DOCK11: variants seen among roughly 807,000 people sequenced by gnomAD.
DOCK11 encodes dedicator of cytokinesis protein 11.
In DOCK11, 70 loss-of-function variants were observed where a neutral mutation model predicts 169.1. The observed-to-expected ratio is 0.41, with a 90% CI of 0.34 to 0.51. DOCK11 has a LOEUF of 0.51. Ranked by LOEUF, DOCK11 falls within the 20% of genes least tolerant of loss-of-function variation. DOCK11 has a pLI of 0.10. For synonymous variants in DOCK11, 529 were observed against 541.3 expected (o/e 0.98, Z 0.32); for missense variants, 1,166 against 1,538.8 (o/e 0.76, Z 4.05).
At chrX:118,658,694 C>A (rs1314095339) in intron 44 of DOCK11, among the ~76,000 whole-genome samples, 2 of 112,466 alleles carry the variant, frequency 1.8e-5, no homozygotes, top group Non-Finnish European at 3.8e-5. Flanking sequence ...AGTGATAATA[C>A]TGAGTGTCAG....
intron 46 of DOCK11, 38 bp from the exon 47 acceptor site, chrX:118,675,894 TAAAC>T (rs1470566644): frequency 3.5e-6 from 3 of 849,809 alleles, no homozygotes; most frequent in Non-Finnish European, 1.7e-6. Context: ...ATTTAGTAAT[TAAAC>T]AAAAAACAAA....
chrX:118,637,691 C>T (rs780303509), intron 36 of DOCK11, among the ~76,000 whole-genome samples: 5 of 111,214 alleles, frequency 4.5e-5, no homozygotes, highest in Admixed American at 2.9e-4. Flanking sequence ...CCTGGGAGGT[C>T]GAGGCTGCAG....
intron 42 of DOCK11, among the ~76,000 whole-genome samples, chrX:118,652,336 G>A (rs1282569219): frequency 1.8e-5 from 2 of 110,777 alleles, no homozygotes; most frequent in Non-Finnish European, 3.8e-5. Flanking sequence ...ATGGCAAGTC[G>A]AATCTGAATT....
At chrX:118,551,679 C>A (rs976549877) in intron 6 of DOCK11, among the ~76,000 whole-genome samples, 2 of 110,593 alleles carry the variant, frequency 1.8e-5, no homozygotes, top group East Asian at 5.7e-4. Context: ...GTCTGACTGA[C>A]AGAGCAATAC....
In DOCK11 at chrX:118,572,467, T is replaced by C; in HGVS notation, c.1176+4T>C. ...TGCAAAAGGACCACCCACAAATGTATGTATGACTTTGCCTTCTACCCCCCT... is the reference window on the plus strand; with the variant it reads ...TGCAAAAGGACCACCCACAAATGTACGTATGACTTTGCCTTCTACCCCCCT... On this transcript the variant is annotated splice_donor_region_variant and intron_variant, in intron 11 of 52. Transcript: ENST00000276202. The C allele has an allele frequency of 8.4e-7, 1 of 1,187,389 alleles. No individual in the cohort carries two copies. Among genetic ancestry groups the C allele is most frequent in the Non-Finnish European group, 1.1e-6 (1 of 880,507 alleles).
intron 44 of DOCK11, among the ~76,000 whole-genome samples, chrX:118,656,888 C>T (rs777519146): frequency 4.8e-4 from 54 of 111,538 alleles, no homozygotes; most frequent in South Asian, 2.7e-3. Flanking sequence ...GCCAAGATCA[C>T]GCCACTGCAC....
chrX:118,599,103 T>C, intron 22 of DOCK11, 36 bp from the exon 23 acceptor site: 1 of 1,119,760 alleles, frequency 8.9e-7, no homozygotes, highest in Non-Finnish European at 1.2e-6. Flanking sequence ...GGATAATGAA[T>C]CAAATTTCAT....
Position 118,561,435 on chromosome X carries a change from T to C in DOCK11, c.611T>C (p.Ile204Thr), listed in dbSNP as rs1452822454. ...YLTQLPDGSY[I>T]LNSYKDEKNS... ...ACCCAACTTCCTGACGGTTCATATATTCTCAATTCCTATAAAGATGAGAAA... is the reference window on the plus strand; with the variant it reads ...ACCCAACTTCCTGACGGTTCATATACTCTCAATTCCTATAAAGATGAGAAA... Residue 204 changes from isoleucine (I) to threonine (T), a missense_variant, in exon 7 of 53, where the codon ATT becomes ACT. Physicochemically the swap from Ile to Thr is moderately conservative, Grantham distance 89 (BLOSUM62 -1). Transcript: ENST00000276202. 1.7e-6 allele frequency: 2 copies of C among 1,206,807 alleles called. No individual in the cohort carries two copies.
In DOCK11 at chrX:118,590,237, G is replaced by A. The variant is rs779236096; in HGVS notation, c.2074G>A (p.Val692Ile). 3 of 1,209,141 alleles carry A rather than the reference G, an allele frequency of 2.5e-6. No homozygotes were observed. In the East Asian group the frequency reaches 8.9e-5, roughly 36 times the overall value. Reference protein sequence around the residue: ...KCIYGKPAGSVFTTNAYAVVS... With the variant: ...KCIYGKPAGSIFTTNAYAVVS... ...TATTTATGGAAAACCTGCAGGGTCT[G>A]TTTTTACCACAAATGCTTATGCTGT... The change falls in exon 19 of 53, where the codon GTT becomes ATT. Residue 692 changes from valine (V) to isoleucine (I), a missense_variant. Val to Ile is a conservative substitution (Grantham distance 29). Transcript: ENST00000276202.
intron 6 of DOCK11, among the ~76,000 whole-genome samples, chrX:118,554,281 G>T (rs1291938229): frequency 8.9e-6 from 1 of 111,881 alleles, no homozygotes; most frequent in Non-Finnish European, 1.9e-5. Context: ...TGGGCACAGT[G>T]GCTCACACTT....
In DOCK11 at chrX:118,568,269, T is replaced by C. The variant is rs769162843; in HGVS notation, c.1035+107T>C. 7.1e-6 allele frequency: 3 copies of C among 425,349 alleles called. No homozygotes were observed. The African/African-American group carries it at 8.1e-5, about 11-fold the overall frequency. The allele number at this position is 425,349 out of a possible 1,213,427, so 35.1% of individuals were successfully genotyped here. ...GTTTTTCTTGCACCAGTGGGGAATATAGATTGTTTTATATTTGTCTTGTTT... is the reference window on the plus strand; with the variant it reads ...GTTTTTCTTGCACCAGTGGGGAATACAGATTGTTTTATATTTGTCTTGTTT... On this transcript the variant is annotated intron_variant, in intron 10 of 52. Transcript: ENST00000276202.
rs1191968312 is a variant in DOCK11 at position 118,516,004 on chromosome X, A to AATATATATATATATATAT, written c.102+19946_102+19947insTATATATATATATATATA. Among the ~76,000 whole-genome samples the AATATATATATATATATAT allele has an allele frequency of 4.5e-3, 200 of 44,921 alleles. 13 individuals are homozygous for AATATATATATATATATAT. The highest frequency in any genetic ancestry group is 0.031 in the East Asian group (43 of 1,388). 39.0% of individuals were successfully genotyped at this position (44,921 alleles called of 115,157 possible). On this transcript the variant is annotated intron_variant, in intron 1 of 52. Transcript: ENST00000276202. ...ATGTTCAAAAGTAAGGATTTGGGCA[A>AATATATATATATATATAT]ATATATATATATATACATTCTTACA... is the stretch of plus-strand genomic sequence containing the variant.
At chrX:118,544,473 G>A (rs1383012434) in intron 4 of DOCK11, among the ~76,000 whole-genome samples, 4 of 109,289 alleles carry the variant, frequency 3.7e-5, no homozygotes, top group Non-Finnish European at 7.6e-5. Flanking sequence ...TAAGACATTT[G>A]TTTAGCCTTT....
chrX:118,652,344 A>AT (rs769298856), intron 42 of DOCK11, among the ~76,000 whole-genome samples: 1 of 109,003 alleles, frequency 9.2e-6, no homozygotes, highest in Non-Finnish European at 1.9e-5. Flanking sequence ...TCGAATCTGA[A>AT]TTTTTTTTTT....
intron 6 of DOCK11, among the ~76,000 whole-genome samples, chrX:118,554,527 G>A (rs1449683143): frequency 9.0e-6 from 1 of 111,170 alleles, no homozygotes; most frequent in Non-Finnish European, 1.9e-5. Context: ...TCCAGCCTGG[G>A]CAACAGAGTG....
chrX:118,645,882 A>G (rs2147521294), intron 40 of DOCK11, among the ~76,000 whole-genome samples: 1 of 87,479 alleles, frequency 1.1e-5, no homozygotes, highest in Non-Finnish European at 2.3e-5. Flanking sequence ...CCCTGTCTCT[A>G]GTTAAAAAAA....
At chrX:118,659,118 T>C (rs193069143) in intron 44 of DOCK11, among the ~76,000 whole-genome samples, 1 of 111,652 alleles carries the variant, frequency 9.0e-6, no homozygotes, top group Non-Finnish European at 1.9e-5. Context: ...CCCTCAGGAC[T>C]CTTAGCTCTT....
At chrX:118,665,487 A>G (rs930100123) in intron 45 of DOCK11, among the ~76,000 whole-genome samples, 6 of 112,264 alleles carry the variant, frequency 5.3e-5, no homozygotes, top group Admixed American at 1.9e-4. Flanking sequence ...CAGCAGCTTC[A>G]GTGTATTCAT....
chrX:118,557,130 T>C (rs780888751), intron 6 of DOCK11, among the ~76,000 whole-genome samples: 7 of 111,988 alleles, frequency 6.3e-5, no homozygotes, highest in African/African-American at 2.3e-4. Context: ...GGCATTGTTA[T>C]AGGTACTGGG....
Sources: gnomAD v4.1 joint callset for allele counts (sites outside exome capture counted in the v4.1 genomes callset) on GRCh38, gnomAD v4.1.1 for gene constraint, MANE v1.5 for transcripts, NCBI Gene and HGNC (gene_info 2026-07-23, HGNC 2026-07-21) for gene names.